CYP7B1: variants seen among roughly 807,000 people sequenced by gnomAD.
CYP7B1 encodes the protein cytochrome P450 family 7 subfamily B member 1.
In CYP7B1, 29 loss-of-function variants were observed where a neutral mutation model predicts 42.7. The observed-to-expected ratio is 0.68, with a 90% CI of 0.51 to 0.93. The LOEUF (loss-of-function observed/expected upper bound fraction) is 0.93. Among genes scored for constraint, CYP7B1 ranks in the 40% least tolerant of loss-of-function variants. CYP7B1 has a pLI of 0.00. For missense variants in CYP7B1, 655 were observed against 600.5 expected (o/e 1.09, Z -0.95); for synonymous variants, 235 against 218.2 (o/e 1.08, Z -0.68).
chr8:64,730,900 G>T (rs1023930339), intron 1 of CYP7B1, among the ~76,000 whole-genome samples: 1 of 152,006 alleles, frequency 6.6e-6, no homozygotes, highest in African/African-American at 2.4e-5. Context: ...CATGGAAGCG[G>T]TCCCCTCATG....
chr8:64,745,005 T>C (rs1300573412), intron 1 of CYP7B1, among the ~76,000 whole-genome samples: 3 of 152,190 alleles, frequency 2.0e-5, no homozygotes, highest in Admixed American at 6.6e-5. Context: ...TAAACACATA[T>C]GCTTTTGTAG....
Position 64,591,621 on chromosome 8 carries a change from G to A in CYP7B1, c.*5021C>T, listed in dbSNP as rs962112592. Among the ~76,000 whole-genome samples, 1 of 152,126 alleles carries A rather than the reference G, an allele frequency of 6.6e-6. No individual in the cohort carries two copies. Among genetic ancestry groups the A allele is most frequent in the Non-Finnish European group, 1.5e-5 (1 of 68,030 alleles). ...AAAAATGTAGATTTTCAGTATGGAA[G>A]CTCCTTTGCCTTAGACTTGTGACCC... On this transcript the variant is annotated 3_prime_UTR_variant, in exon 6 of 6. Coordinates refer to ENST00000310193, the MANE Select transcript of CYP7B1 (RefSeq NM_004820.5).
At chr8:64,730,463 T>A (rs1019767066) in intron 1 of CYP7B1, among the ~76,000 whole-genome samples, 1 of 152,136 alleles carries the variant, frequency 6.6e-6, no homozygotes, top group Non-Finnish European at 1.5e-5. Context: ...CAAAGGTACA[T>A]GCTTTGTGAT....
intron 1 of CYP7B1, among the ~76,000 whole-genome samples, chr8:64,642,635 C>T (rs1327565992): frequency 3.3e-5 from 5 of 152,156 alleles, no homozygotes; most frequent in African/African-American, 1.2e-4. Context: ...TGAACTGTCC[C>T]TGTGTGAATC....
chr8:64,636,079 G>A lies in CYP7B1; in HGVS notation c.123-11540C>T, dbSNP rs187977979. Among the ~76,000 whole-genome samples the A allele has an allele frequency of 1.2e-4, 18 of 152,218 alleles. No homozygotes were observed. In the South Asian group the frequency reaches 2.7e-3, roughly 23 times the overall value. Reference sequence around the variant, plus strand: ...ATCATTTAAAACTTAATTGAGTTTCGAGCAGGCCCCACAAACGATGAATGA... The same window carrying A: ...ATCATTTAAAACTTAATTGAGTTTCAAGCAGGCCCCACAAACGATGAATGA... On this transcript the variant is annotated intron_variant, in intron 1 of 5. Transcript: ENST00000310193.
At chr8:64,774,664 G>A (rs1585907867) in intron 1 of CYP7B1, among the ~76,000 whole-genome samples, 1 of 152,126 alleles carries the variant, frequency 6.6e-6, no homozygotes, top group Non-Finnish European at 1.5e-5. Context: ...TTTGTAACTC[G>A]GCTATAACCC....
At chr8:64,688,759 T>TA (rs1212307198) in intron 1 of CYP7B1, among the ~76,000 whole-genome samples, 60 of 147,872 alleles carry the variant, frequency 4.1e-4, no homozygotes, top group Middle Eastern at 3.5e-3. Flanking sequence ...ACCCTGTCTC[T>TA]AAAAAAAAAA....
intron 1 of CYP7B1, among the ~76,000 whole-genome samples, chr8:64,716,889 TCAAA>T (rs1408970049): frequency 4.6e-5 from 7 of 152,324 alleles, no homozygotes; most frequent in African/African-American, 1.7e-4. Context: ...CTTTTATACT[TCAAA>T]CAATTACTGA....
intron 1 of CYP7B1, among the ~76,000 whole-genome samples, chr8:64,631,737 C>T (rs1805699910): frequency 6.6e-6 from 1 of 151,968 alleles, no homozygotes. Flanking sequence ...TCCTAATAAC[C>T]CAATTAAAAA....
intron 5 of CYP7B1, among the ~76,000 whole-genome samples, chr8:64,599,887 G>A (rs969652371): frequency 1.3e-5 from 2 of 152,196 alleles, no homozygotes; most frequent in Non-Finnish European, 2.9e-5. Flanking sequence ...CTGCTATCAG[G>A]CTAAAGACAG....
chr8:64,692,413 G>T (rs1806761133), intron 1 of CYP7B1, among the ~76,000 whole-genome samples: 1 of 152,230 alleles, frequency 6.6e-6, no homozygotes, highest in Non-Finnish European at 1.5e-5. Flanking sequence ...GGTGCACAGA[G>T]ATGGAGCCCG....
intron 1 of CYP7B1, among the ~76,000 whole-genome samples, chr8:64,687,749 CAG>C (rs1806677814): frequency 6.6e-6 from 1 of 152,134 alleles, no homozygotes; most frequent in Non-Finnish European, 1.5e-5. Context: ...TTGGATAATT[CAG>C]AGTTTCTCCG....
At chr8:64,700,199 C>T (rs1806893557) in intron 1 of CYP7B1, among the ~76,000 whole-genome samples, 2 of 152,136 alleles carry the variant, frequency 1.3e-5, no homozygotes, top group African/African-American at 4.8e-5. Flanking sequence ...GCAACTTCCA[C>T]AGTCACCATA....
chr8:64,730,361 TGCCC>T (rs773260660), intron 1 of CYP7B1, among the ~76,000 whole-genome samples: 27 of 152,082 alleles, frequency 1.8e-4, no homozygotes, highest in Non-Finnish European at 4.0e-4. Flanking sequence ...TGAGCCACTG[TGCCC>T]AGTCATCTTT....
intron 1 of CYP7B1, among the ~76,000 whole-genome samples, chr8:64,690,442 G>A (rs1806721766): frequency 6.6e-6 from 1 of 152,056 alleles, no homozygotes; most frequent in Non-Finnish European, 1.5e-5. Context: ...AAACCCAGAT[G>A]TTGTGTATTT....
At chr8:64,683,228 G>A (rs112270976) in intron 1 of CYP7B1, among the ~76,000 whole-genome samples, 1,970 of 152,190 alleles carry the variant, frequency 0.013, 50 homozygotes, top group African/African-American at 0.043. Context: ...AGAATATGTG[G>A]TACATATACC....
chr8:64,712,865 T>C (rs957792317), intron 1 of CYP7B1, among the ~76,000 whole-genome samples: 9 of 151,986 alleles, frequency 5.9e-5, no homozygotes, highest in African/African-American at 2.2e-4. Context: ...AAGAAAATGT[T>C]GTATGATTAT....
chr8:64,683,272 A>G (rs1462726268), intron 1 of CYP7B1, among the ~76,000 whole-genome samples: 1 of 152,250 alleles, frequency 6.6e-6, no homozygotes, highest in Non-Finnish European at 1.5e-5. Context: ...AAAAAGAATG[A>G]GATCCTGTCA....
In CYP7B1 at chr8:64,615,836, T is replaced by C. The variant is rs1805432532; in HGVS notation, c.705A>G (p.Leu235=). The C allele has an allele frequency of 2.5e-6, 4 of 1,613,804 alleles. No homozygotes were observed. The highest frequency in any genetic ancestry group is 3.4e-6 in the Non-Finnish European group (4 of 1,179,774). Residue 235 remains leucine (L), a synonymous_variant, in exon 3 of 6, where the codon CTA becomes CTG. Transcript: ENST00000310193. ...TCTCTCTAATAGACTTGACATTTCCTAGAAGCTCAATGGGTATGTTGGATA... is the reference window on the plus strand; with the variant it reads ...TCTCTCTAATAGACTTGACATTTCCCAGAAGCTCAATGGGTATGTTGGATA... ...YLVSNIPIEL[L]GNVKSIREKI... is the part of the protein sequence containing the mutation.
Sources: gnomAD v4.1 joint callset for allele counts (sites outside exome capture counted in the v4.1 genomes callset) on GRCh38, gnomAD v4.1.1 for gene constraint, MANE v1.5 for transcripts, NCBI Gene and HGNC (gene_info 2026-07-23, HGNC 2026-07-21) for gene names.